Variants in CEP83 observed in about 807,000 individuals in gnomAD.
CEP83 encodes the protein centrosomal protein of 83 kDa.
In CEP83, 70 loss-of-function variants were observed where a neutral mutation model predicts 101.9. The ratio of observed to expected loss-of-function variants is 0.69; its 90% CI spans 0.57 to 0.84. CEP83 has a LOEUF of 0.84. Among genes scored for constraint, CEP83 ranks in the 40% least tolerant of loss-of-function variants. CEP83 has a pLI of 0.00. For synonymous variants in CEP83, 264 were observed against 267.9 expected (o/e 0.99, Z 0.14); for missense variants, 715 against 787.2 (o/e 0.91, Z 1.10).
At chr12:94,301,633 T>G (rs1373901596), downstream of CEP83, among the ~76,000 whole-genome samples, 1 of 152,264 alleles carries the variant, frequency 6.6e-6, no homozygotes, top group East Asian at 1.9e-4. Context: ...CTCCAAAATA[T>G]ACTAAACTGA....
At chr12:94,343,369 A>G (rs182724599) in intron 11 of CEP83, among the ~76,000 whole-genome samples, 3 of 151,274 alleles carry the variant, frequency 2.0e-5, no homozygotes, top group Non-Finnish European at 2.9e-5. Context: ...CCCTAGTCCT[A>G]CCCTTGATAG....
At chr12:94,450,627 T>C (rs2067181489) in intron 1 of CEP83, among the ~76,000 whole-genome samples, 1 of 152,302 alleles carries the variant, frequency 6.6e-6, no homozygotes, top group South Asian at 2.1e-4. Flanking sequence ...GCATCAAAAT[T>C]ATAACAGTCT....
the CEP83 span, among the ~76,000 whole-genome samples, chr12:94,284,957 CTG>C: frequency 2.6e-5 from 4 of 152,190 alleles, no homozygotes; most frequent in African/African-American, 9.7e-5. Context: ...CCATTAGAAG[CTG>C]TGGATTTCTG....
chr12:94,359,667 G>A (rs951937000), intron 11 of CEP83, among the ~76,000 whole-genome samples: 2 of 152,040 alleles, frequency 1.3e-5, no homozygotes, highest in Admixed American at 6.6e-5. Context: ...AAAAAGCCCA[G>A]GACCAGATGG....
intron 1 of CEP83, among the ~76,000 whole-genome samples, chr12:94,440,322 A>G (rs1434663947): frequency 6.6e-6 from 1 of 152,170 alleles, no homozygotes; most frequent in East Asian, 1.9e-4. Flanking sequence ...ATAACTGGTA[A>G]ATGAATTCGG....
In CEP83 at chr12:94,328,535, C is replaced by T. The variant is rs141984199; in HGVS notation, c.1707+3165G>A. On this transcript the variant is annotated intron_variant, in intron 14 of 16. Transcript: ENST00000397809. ...AATTTGTGACTTTTGTTACATCTTA[C>T]GGCAAAAAATGCTATGACTTTTGGC... 3.6e-3 allele frequency among the ~76,000 whole-genome samples: 541 copies of T among 152,136 alleles called. 3 individuals are homozygous for T. Among genetic ancestry groups the T allele is most frequent in the Non-Finnish European group, 5.8e-3 (396 of 67,984 alleles).
the CEP83 span, among the ~76,000 whole-genome samples, chr12:94,278,693 A>G: frequency 6.6e-6 from 1 of 152,196 alleles, no homozygotes. Context: ...TTAATGCTGC[A>G]TATTAAAAAA....
intron 11 of CEP83, among the ~76,000 whole-genome samples, chr12:94,347,227 A>G (rs1384961037): frequency 6.6e-6 from 1 of 152,052 alleles, no homozygotes; most frequent in Non-Finnish European, 1.5e-5. Context: ...AATCAATAAG[A>G]TAACTTCTGA....
chr12:94,314,091 G>T (rs1224581028), intron 14 of CEP83, among the ~76,000 whole-genome samples: 1 of 152,102 alleles, frequency 6.6e-6, no homozygotes, highest in Non-Finnish European at 1.5e-5. Flanking sequence ...AATGCAAAAG[G>T]AGTGTATGGA....
At chr12:94,425,839 AG>A (rs2138083251) in intron 2 of CEP83, among the ~76,000 whole-genome samples, 1 of 152,320 alleles carries the variant, frequency 6.6e-6, no homozygotes, top group African/African-American at 2.4e-5. Flanking sequence ...AAATGAAAAC[AG>A]GCCAGTGCGG....
At chr12:94,358,795 T>G (rs1453051209) in intron 11 of CEP83, among the ~76,000 whole-genome samples, 1 of 152,218 alleles carries the variant, frequency 6.6e-6, no homozygotes, top group Non-Finnish European at 1.5e-5. Flanking sequence ...TTTATCTCTT[T>G]GCAAATCTAA....
downstream of CEP83, chr12:94,303,709 T>TAC: frequency 8.5e-7 from 1 of 1,181,228 alleles, no homozygotes; most frequent in Non-Finnish European, 1.1e-6. Context: ...TTTTTTTTTT[T>TAC]TTTACTCTTT....
the CEP83 span, among the ~76,000 whole-genome samples, chr12:94,288,077 C>A: frequency 6.6e-6 from 1 of 152,248 alleles, no homozygotes; most frequent in Non-Finnish European, 1.5e-5. Flanking sequence ...CAGATCCAGG[C>A]TTTCAGCCCA....
At chr12:94,357,034 G>A (rs2136873929) in intron 11 of CEP83, among the ~76,000 whole-genome samples, 1 of 152,274 alleles carries the variant, frequency 6.6e-6, no homozygotes, top group African/African-American at 2.4e-5. Flanking sequence ...CTATAAAACA[G>A]GGACCAAGGG....
intron 11 of CEP83, among the ~76,000 whole-genome samples, chr12:94,346,718 G>A (rs2059949965): frequency 6.6e-6 from 1 of 152,174 alleles, no homozygotes; most frequent in Non-Finnish European, 1.5e-5. Context: ...ATGTCAGACT[G>A]CTGTCCACTG....
chr12:94,370,881 G>A (rs1310865409), intron 8 of CEP83, among the ~76,000 whole-genome samples: 1 of 152,014 alleles, frequency 6.6e-6, no homozygotes, highest in Non-Finnish European at 1.5e-5. Flanking sequence ...AGCCACTGGG[G>A]AGACTGAGGT....
At chr12:94,378,400 G>C (rs987251007) in intron 7 of CEP83, among the ~76,000 whole-genome samples, 1 of 152,158 alleles carries the variant, frequency 6.6e-6, no homozygotes, top group African/African-American at 2.4e-5. Flanking sequence ...AACAGGATTT[G>C]TGACTTTAAG....
At chr12:94,437,308 G>A (rs1484791778) in intron 1 of CEP83, among the ~76,000 whole-genome samples, 1 of 152,166 alleles carries the variant, frequency 6.6e-6, no homozygotes, top group Non-Finnish European at 1.5e-5. Context: ...TCGTGCCACT[G>A]CACTCCAGCC....
chr12:94,337,981 A>G (rs1417956837), intron 11 of CEP83, among the ~76,000 whole-genome samples: 2 of 152,158 alleles, frequency 1.3e-5, no homozygotes, highest in South Asian at 2.1e-4. Context: ...AAAAGGAAGC[A>G]AGGGAGCCAG....
Sources: allele counts gnomAD v4.1 joint callset (sites outside exome capture counted in the v4.1 genomes callset), GRCh38; gene constraint gnomAD v4.1.1; transcripts MANE v1.5; gene names NCBI Gene and HGNC (gene_info 2026-07-23, HGNC 2026-07-21).